The following HOXC10 variants were observed in gnomAD, a reference collection of about 807,000 sequenced individuals.
The protein encoded by HOXC10 is homeobox C10.
In HOXC10, 15 loss-of-function variants were observed where a neutral mutation model predicts 26.0. The ratio of observed to expected loss-of-function variants is 0.58; its 90% CI spans 0.39 to 0.89. The LOEUF is 0.89. HOXC10 is among the 40% of genes least tolerant of loss of function. HOXC10 has a pLI of 0.00. For missense variants in HOXC10, 446 were observed against 451.9 expected (o/e 0.99, Z 0.12); for synonymous variants, 196 against 185.5 (o/e 1.06, Z -0.46).
chr12:53,985,781 C>G lies in HOXC10; in HGVS notation c.522C>G (p.Phe174Leu), dbSNP rs183454098. ...GGGCCAACGACTTCGAAGCCCCTTT[C>G]GAGCAGCGGGCCAGTCTCAACCCGC... ...CSGANDFEAP[F>L]EQRASLNPRA... Residue 174 changes from phenylalanine (F) to leucine (L), a missense_variant, in exon 1 of 2, where the codon TTC (phenylalanine) becomes TTG (leucine). Transcript: ENST00000303460. 7.4e-6 allele frequency: 12 copies of G among 1,613,618 alleles called. No individual in the cohort carries two copies. Among genetic ancestry groups the G allele is most frequent in the Non-Finnish European group, 1.0e-5 (12 of 1,179,990 alleles).
In HOXC10 at chr12:53,985,986, G is replaced by C. The variant is rs1939428488; in HGVS notation, c.727G>C (p.Asp243His). ...ERAKAADSSP[D>H]TSDNEAKEEI... Reference sequence around the variant, plus strand: ...GGCCAAAGCTGCCGACTCCAGCCCAGACACCTCGGATAACGAAGCGAAAGG... The same window carrying C: ...GGCCAAAGCTGCCGACTCCAGCCCACACACCTCGGATAACGAAGCGAAAGG... Residue 243 changes from aspartate (D) to histidine (H), a missense_variant, in exon 1 of 2, where the codon GAC becomes CAC. By Grantham distance (81) the Asp-to-His change is moderately conservative. Transcript: ENST00000303460. The C allele has an allele frequency of 6.3e-7, 1 of 1,577,024 alleles. No homozygotes were observed. The highest frequency in any genetic ancestry group is 8.6e-7 in the Non-Finnish European group (1 of 1,161,760).
chr12:53,989,521 T>A lies in HOXC10; in HGVS notation c.*75T>A, dbSNP rs554485781. The A allele has an allele frequency of 2.7e-4, 384 of 1,423,694 alleles. No individual in the cohort carries two copies. The highest frequency in any genetic ancestry group is 1.1e-3 in the South Asian group (78 of 70,182). 88.2% of individuals were successfully genotyped at this position (1,423,694 alleles called of 1,614,324 possible). On this transcript the variant is annotated 3_prime_UTR_variant, in exon 2 of 2. Coordinates refer to ENST00000303460, the MANE Select transcript of HOXC10 (RefSeq NM_017409.4). ...CCTCCCTTTGTGCCTGGTGATATAT[T>A]TTTTTTTCCTCCCTGAGTATAAATG... is the stretch of plus-strand genomic sequence containing the variant.
chr12:53,986,582 C>A, intron 1 of HOXC10: 1 of 152,304 alleles, frequency 6.6e-6, no homozygotes, highest in East Asian at 1.9e-4. Context: ...CCTTGGGCAG[C>A]GAGGCTGGAG....
rs1939421167 is a variant in HOXC10, at chr12:53,985,692, G to T, written c.433G>T (p.Val145Leu). The T allele has an allele frequency of 6.2e-7, 1 of 1,610,480 alleles. No individual in the cohort carries two copies. The highest frequency in any genetic ancestry group is 1.3e-5 in the African/African-American group (1 of 74,970). Reference protein sequence around the residue: ...ESCLGEHEVPVPSYYRASPSY... With the variant: ...ESCLGEHEVPLPSYYRASPSY... ...CTGCCTTGGGGAGCACGAGGTACCC[G>T]TGCCCAGCTACTACCGCGCCAGCCC... The change falls in exon 1 of 2, where the codon GTG becomes TTG. Residue 145 changes from valine (V) to leucine (L), a missense_variant. Val to Leu is a conservative substitution (Grantham distance 32, BLOSUM62 1). Coordinates refer to ENST00000303460, the MANE Select transcript of HOXC10 (RefSeq NM_017409.4).
At chr12:53,986,034 G>A in intron 1 of HOXC10, 24 bp downstream of exon 1, 1 of 1,526,702 alleles carries the variant, frequency 6.6e-7, no homozygotes, top group Non-Finnish European at 8.8e-7. Context: ...GGCCGCGGGC[G>A]CCACTGGGAC....
At position 53,985,982 on chromosome 12, in the gene HOXC10, C is replaced by T. The variant is rs2136383916; in HGVS notation, c.723C>T (p.Ser241=). The stretch of plus-strand genomic sequence containing the variant: ...AGAGGGCCAAAGCTGCCGACTCCAG[C>T]CCAGACACCTCGGATAACGAAGCGA... The part of the protein sequence containing the change: ...EKERAKAADS[S]PDTSDNEAKE... Residue 241 remains serine, a synonymous_variant, in exon 1 of 2, where the codon AGC becomes AGT. Coordinates refer to ENST00000303460, the MANE Select transcript of HOXC10 (RefSeq NM_017409.4). 9 of 1,580,762 alleles carry T rather than the reference C, an allele frequency of 5.7e-6. No homozygotes were observed. The highest frequency in any genetic ancestry group is 7.7e-6 in the Non-Finnish European group (9 of 1,163,612).
At chr12:53,988,324 T>C (rs963729625) in intron 1 of HOXC10, among the ~76,000 whole-genome samples, 3 of 152,346 alleles carry the variant, frequency 2.0e-5, no homozygotes, top group South Asian at 2.1e-4. Context: ...TGTGTATAGG[T>C]GTGTGTATCT....
Position 53,989,637 on chromosome 12 carries a change from A to G in HOXC10, c.*191A>G, listed in dbSNP as rs1022306957. ...CGAAGATGCTTCCACTTAAAGCATG[A>G]GAAATGGGGTGCCGGGATGTGGGGT... On this transcript the variant is annotated 3_prime_UTR_variant, in exon 2 of 2. Coordinates refer to ENST00000303460, the MANE Select transcript of HOXC10 (RefSeq NM_017409.4). 49 of 622,722 alleles carry G rather than the reference A, an allele frequency of 7.9e-5. No homozygotes were observed. The African/African-American group carries it at 8.5e-4, about 11-fold the overall frequency. The allele number at this position is 622,722 out of a possible 1,614,324, so 38.6% of individuals were successfully genotyped here.
chr12:53,985,206 A>G lies in HOXC10; in HGVS notation c.-54A>G, dbSNP rs930181030. On this transcript the variant is annotated 5_prime_UTR_variant, in exon 1 of 2. Transcript: ENST00000303460. ...CCCCCTCCCGGATGGGGAAAAAAAA[A>G]GATGTCAGCTCCTCCGCTGTAGTAT... 19 of 1,209,646 alleles carry G rather than the reference A, an allele frequency of 1.6e-5. No homozygotes were observed. The highest frequency in any genetic ancestry group is 4.2e-5 in the East Asian group (1 of 23,734). 74.9% of individuals were successfully genotyped at this position (1,209,646 alleles called of 1,614,324 possible).
intron 1 of HOXC10, among the ~76,000 whole-genome samples, chr12:53,988,292 C>T (rs1939468522): frequency 6.6e-6 from 1 of 152,170 alleles, no homozygotes; most frequent in African/African-American, 2.4e-5. Flanking sequence ...GACTCATGTA[C>T]ATATCTATGT....
chr12:53,985,867 A>G lies in HOXC10; in HGVS notation c.608A>G (p.Lys203Arg). The G allele has an allele frequency of 6.2e-7, 1 of 1,613,882 alleles. No individual in the cohort carries two copies. The highest frequency in any genetic ancestry group is 1.6e-4 in the Middle Eastern group (1 of 6,062). ...AAAGTGAGTTTCCCTGAGACCCCCA[A>G]GTCCGACAGCCAGACCCCCAGCCCC... Reference protein sequence around the residue: ...GGKVSFPETPKSDSQTPSPNE... With the variant: ...GGKVSFPETPRSDSQTPSPNE... The change falls in exon 1 of 2, where the codon AAG becomes AGG. Residue 203 changes from lysine to arginine, a missense_variant. Transcript: ENST00000303460.
chr12:53,986,090 G>A (rs1939430807), intron 1 of HOXC10, 80 bp downstream of exon 1: 5 of 1,433,524 alleles, frequency 3.5e-6, no homozygotes, highest in Non-Finnish European at 4.6e-6. Flanking sequence ...GCAGGGGAGA[G>A]GGTTGGGCCC....
intron 1 of HOXC10, 119 bp downstream of exon 1, chr12:53,986,129 G>A: frequency 9.1e-7 from 1 of 1,093,100 alleles, no homozygotes; most frequent in Non-Finnish European, 1.2e-6. Context: ...TCGGGAATGC[G>A]ACCCTGGCTT....
chr12:53,985,455 C>T lies in HOXC10; in HGVS notation c.196C>T (p.Leu66Phe). The change falls in exon 1 of 2, where the codon CTC becomes TTC. Residue 66 changes from leucine (L) to phenylalanine (F), a missense_variant. Physicochemically the swap from Leu to Phe is conservative, Grantham distance 22. Transcript: ENST00000303460. ...CGAGGGCAGCAGCCCCAGCCTCGCC[C>T]TCAACACCTATCCGTCCTACCTCTC... ...RDEGSSPSLA[L>F]NTYPSYLSQL... The T allele has an allele frequency of 1.2e-6, 2 of 1,613,064 alleles. No individual in the cohort carries two copies. The highest frequency in any genetic ancestry group is 1.7e-6 in the Non-Finnish European group (2 of 1,179,518).
Position 53,989,570 on chromosome 12 carries a change from A to G in HOXC10, c.*124A>G. 1 of 910,530 alleles carries G rather than the reference A, an allele frequency of 1.1e-6. No homozygotes were observed. 56.4% of individuals were successfully genotyped at this position (910,530 alleles called of 1,614,324 possible). Reference sequence around the variant, plus strand: ...TGCAATGCGACTGCAAAAAAGGCAAAGACCTCAGACTCTCCTTCCAAGGGA... The same window carrying G: ...TGCAATGCGACTGCAAAAAAGGCAAGGACCTCAGACTCTCCTTCCAAGGGA... On this transcript the variant is annotated 3_prime_UTR_variant, in exon 2 of 2. Transcript: ENST00000303460.
At chr12:53,987,841 A>G (rs2136385055) in intron 1 of HOXC10, among the ~76,000 whole-genome samples, 1 of 152,278 alleles carries the variant, frequency 6.6e-6, no homozygotes, top group East Asian at 1.9e-4. Flanking sequence ...CAACTCCAGT[A>G]AGAAAATAAA....
At position 53,989,750 on chromosome 12, in the gene HOXC10, C is replaced by A. The variant is rs566420721; in HGVS notation, c.*304C>A. The A allele has an allele frequency of 8.8e-5, 32 of 361,890 alleles. No individual in the cohort carries two copies. The highest frequency in any genetic ancestry group is 6.0e-4 in the African/African-American group (29 of 48,086). The allele number at this position is 361,890 out of a possible 1,614,324, so 22.4% of individuals were successfully genotyped here. ...CACCCACGCACTCACACACAGCATT[C>A]TGTTCTCCATGCAAAGTTAAGATCG... is the stretch of plus-strand genomic sequence containing the variant. On this transcript the variant is annotated 3_prime_UTR_variant, in exon 2 of 2. Transcript: ENST00000303460.
rs1262096069 is a variant in HOXC10 at position 53,989,685 on chromosome 12, G to C, written c.*239G>C. On this transcript the variant is annotated 3_prime_UTR_variant, in exon 2 of 2. Coordinates refer to ENST00000303460, the MANE Select transcript of HOXC10 (RefSeq NM_017409.4). ...GGTGTGGTGTGTGCCCTCATAGATG[G>C]GGGTGGGAGTGTGGCTGGTGTGTGT... 5.6e-6 allele frequency: 3 copies of C among 540,046 alleles called. No individual in the cohort carries two copies. In the South Asian group the frequency reaches 7.7e-5, roughly 14 times the overall value. 33.5% of individuals were successfully genotyped at this position (540,046 alleles called of 1,614,324 possible).
rs776566404 is a variant in HOXC10 at position 53,985,557 on chromosome 12, T to A, written c.298T>A (p.Ser100Thr). 6.2e-7 allele frequency: 1 copy of A among 1,613,824 alleles called. No homozygotes were observed. Among genetic ancestry groups the A allele is most frequent in the Admixed American group, 1.7e-5 (1 of 60,034 alleles). Reference protein sequence around the residue: ...QPVGRPLSSCSYPPSVKEENV... With the variant: ...QPVGRPLSSCTYPPSVKEENV... ...TGTTGGCAGGCCGCTGTCCTCCTGC[T>A]CCTACCCACCTAGTGTCAAGGAGGA... The change falls in exon 1 of 2, where the codon TCC (serine) becomes ACC (threonine). Residue 100 changes from serine (S) to threonine (T), a missense_variant. By Grantham distance (58) the Ser-to-Thr change is moderately conservative (BLOSUM62 1). Transcript: ENST00000303460.
Sources: gnomAD v4.1 joint callset for allele counts (sites outside exome capture counted in the v4.1 genomes callset) on GRCh38, gnomAD v4.1.1 for gene constraint, MANE v1.5 for transcripts, NCBI Gene and HGNC (gene_info 2026-07-23, HGNC 2026-07-21) for gene names.